MTSS1: variants seen among roughly 807,000 people sequenced by gnomAD.
MTSS1 encodes MTSS I-BAR domain containing 1, also known as protein MTSS 1.
A neutral mutation model predicts 79.0 loss-of-function variants in MTSS1; 18 were observed. The observed-to-expected ratio is 0.23, with a 90% CI of 0.16 to 0.34. The LOEUF (loss-of-function observed/expected upper bound fraction) is 0.34. MTSS1 is among the 10% of genes least tolerant of loss of function. MTSS1 has a pLI of 1.00. For missense variants in MTSS1, 815 were observed against 986.2 expected, an observed-to-expected ratio of 0.83 and a Z score of 2.33; for synonymous variants, 341 against 368.6, an observed-to-expected ratio of 0.93 and a Z score of 0.86.
Position 124,727,833 on chromosome 8 carries a change from C to T in MTSS1, c.72+51G>A. The stretch of plus-strand genomic sequence containing the variant: ...CCGGGGTGGAGGCGAAGCGCGGCGG[C>T]GAGGTCAGAGCGCGGCGGCCGGCGC... On this transcript the variant is annotated intron_variant, in intron 1 of 13. Transcript: ENST00000518547. This position sits in a 1 kb window ranked among gnomAD's most constrained non-coding sequence, Gnocchi z 4.7. The T allele has an allele frequency of 6.8e-7, 1 of 1,480,730 alleles. No individual in the cohort carries two copies. The highest frequency in any genetic ancestry group is 9.0e-7 in the Non-Finnish European group (1 of 1,110,092). 91.7% of individuals were successfully genotyped at this position (1,480,730 alleles called of 1,614,324 possible). A position where few individuals can be genotyped will look rare whatever the true frequency, so the allele number is the denominator to read the frequency against.
chr8:124,605,367 T>G (rs181305710), intron 3 of MTSS1, among the ~76,000 whole-genome samples: 6 of 152,316 alleles, frequency 3.9e-5, no homozygotes, highest in African/African-American at 1.4e-4. Context: ...AGTATCTGGA[T>G]CAGGGATTAT....
At chr8:124,628,373 T>G (rs187641604) in intron 3 of MTSS1, among the ~76,000 whole-genome samples, 322 of 152,148 alleles carry the variant, frequency 2.1e-3, no homozygotes, top group Admixed American at 5.0e-3. Flanking sequence ...CTCTTCCAAT[T>G]AAACCACCGC....
Position 124,553,703 on chromosome 8 carries a change from G to T in MTSS1, c.1568-11C>A. 1 of 1,591,936 alleles carries T rather than the reference G, an allele frequency of 6.3e-7. No homozygotes were observed. Among genetic ancestry groups the T allele is most frequent in the Non-Finnish European group, 8.6e-7 (1 of 1,166,576 alleles). ...AATCATAATCTGAAACTGATTATAGGATTTGATTAGACATATTCAAGACAG... is the reference window on the plus strand; with the variant it reads ...AATCATAATCTGAAACTGATTATAGTATTTGATTAGACATATTCAAGACAG... On this transcript the variant is annotated splice_polypyrimidine_tract_variant and intron_variant, in intron 13 of 13. Transcript: ENST00000518547. The surrounding 1 kb of genome is among the most constrained non-coding windows in gnomAD (Gnocchi z 6.0).
chr8:124,644,470 T>C (rs1818643296), intron 3 of MTSS1, among the ~76,000 whole-genome samples: 1 of 152,256 alleles, frequency 6.6e-6, no homozygotes, highest in Admixed American at 6.5e-5. Context: ...GCATTTACCA[T>C]TTGAGTTCTG....
At chr8:124,718,513 A>T (rs1317935882) in intron 1 of MTSS1, among the ~76,000 whole-genome samples, 3 of 151,970 alleles carry the variant, frequency 2.0e-5, no homozygotes, top group Non-Finnish European at 4.4e-5. Flanking sequence ...CCTCGATCAC[A>T]TCCTGCTGCC....
At chr8:124,560,368 A>C (rs983227415) in intron 10 of MTSS1, among the ~76,000 whole-genome samples, 1 of 152,198 alleles carries the variant, frequency 6.6e-6, no homozygotes, top group Non-Finnish European at 1.5e-5. Flanking sequence ...AAAAAATAAA[A>C]AATGTAAAAG....
intron 1 of MTSS1, among the ~76,000 whole-genome samples, chr8:124,706,540 G>A (rs1450791271): frequency 6.6e-6 from 1 of 152,192 alleles, no homozygotes; most frequent in Non-Finnish European, 1.5e-5. Flanking sequence ...TCAAGCACAG[G>A]TTTCTGGATT....
At chr8:124,555,046 T>C (rs1304900437) in intron 13 of MTSS1, among the ~76,000 whole-genome samples, 2 of 152,154 alleles carry the variant, frequency 1.3e-5, no homozygotes, top group Non-Finnish European at 2.9e-5. Flanking sequence ...AGTTTTGCCA[T>C]GTTTCCCAGA....
chr8:124,657,785 T>C (rs1303174838), intron 3 of MTSS1, among the ~76,000 whole-genome samples: 1 of 152,224 alleles, frequency 6.6e-6, no homozygotes, highest in Non-Finnish European at 1.5e-5. Flanking sequence ...ATACCCATTA[T>C]TGGCCCATTT....
chr8:124,578,071 C>T (rs1002322043), intron 6 of MTSS1, among the ~76,000 whole-genome samples: 7 of 152,106 alleles, frequency 4.6e-5, no homozygotes, highest in African/African-American at 7.2e-5. Context: ...GGAAGAATGA[C>T]GTGGAGAGGC....
chr8:124,579,615 A>C (rs1417715085), intron 6 of MTSS1: 3 of 152,230 alleles, frequency 2.0e-5, no homozygotes, highest in Non-Finnish European at 4.4e-5. Flanking sequence ...CATAATCACA[A>C]TGTTGAGAAC....
At chr8:124,658,360 GC>G (rs1414452731) in intron 3 of MTSS1, among the ~76,000 whole-genome samples, 1 of 152,136 alleles carries the variant, frequency 6.6e-6, no homozygotes, top group Admixed American at 6.5e-5. Context: ...TCTCTTGCCT[GC>G]CACCATGTAA....
chr8:124,706,636 C>T (rs545743795), intron 1 of MTSS1, among the ~76,000 whole-genome samples: 1 of 152,296 alleles, frequency 6.6e-6, no homozygotes, highest in Admixed American at 6.5e-5. Flanking sequence ...TGGCAGAGGC[C>T]CTTTGGCAGC....
chr8:124,599,345 CGGT>C lies in MTSS1; in HGVS notation c.209-8113_209-8111del, dbSNP rs372052916. 1.4e-3 allele frequency among the ~76,000 whole-genome samples: 209 copies of C among 151,920 alleles called. 1 individual carries two copies. The highest frequency in any genetic ancestry group is 4.6e-3 in the African/African-American group (191 of 41,452). On this transcript the variant is annotated intron_variant, in intron 3 of 13. Coordinates refer to ENST00000518547, the MANE Select transcript of MTSS1 (RefSeq NM_014751.6). ...CTAAAAATACAAAAATTAGCCAGCACGGTGGTGGGTGCCTGTAATCCCGGCTAC... is the reference window on the plus strand; with the variant it reads ...CTAAAAATACAAAAATTAGCCAGCACGGTGGGTGCCTGTAATCCCGGCTAC...
chr8:124,625,185 G>GC (rs1395727797), intron 3 of MTSS1, among the ~76,000 whole-genome samples: 5 of 152,154 alleles, frequency 3.3e-5, no homozygotes, highest in African/African-American at 1.2e-4. Flanking sequence ...TCCTGCCTCT[G>GC]CCTCTCTTTA....
At chr8:124,624,045 G>A (rs961999358) in intron 3 of MTSS1, among the ~76,000 whole-genome samples, 1 of 152,218 alleles carries the variant, frequency 6.6e-6, no homozygotes, top group Admixed American at 6.5e-5. Flanking sequence ...ATCAACCATT[G>A]CTTCGTGTGG....
chr8:124,589,032 CT>C (rs902627258), intron 5 of MTSS1, among the ~76,000 whole-genome samples: 20 of 149,774 alleles, frequency 1.3e-4, no homozygotes, highest in Admixed American at 8.0e-4. Context: ...TCTTCTTTTT[CT>C]TTTTTTTTGT....
Position 124,721,606 on chromosome 8 carries a change from C to T in MTSS1, c.72+6278G>A, listed in dbSNP as rs1366391890. ...TGTATTTTTTGCAGAGATGGGGTTT[C>T]ACCATGTTGGCCAGGCTCGTCTCAA... On this transcript the variant is annotated intron_variant, in intron 1 of 13. Transcript: ENST00000518547. Among the ~76,000 whole-genome samples the T allele has an allele frequency of 3.3e-5, 5 of 152,104 alleles. No homozygotes were observed. In the East Asian group the frequency reaches 9.7e-4, roughly 29 times the overall value.
chr8:124,632,513 A>G (rs1034395058), intron 3 of MTSS1, among the ~76,000 whole-genome samples: 1 of 152,156 alleles, frequency 6.6e-6, no homozygotes, highest in South Asian at 2.1e-4. Flanking sequence ...AATTCAAAAA[A>G]AAATTTAAAG....
Sources: allele counts gnomAD v4.1 joint callset (sites outside exome capture counted in the v4.1 genomes callset), GRCh38; gene constraint gnomAD v4.1.1; non-coding constraint Gnocchi (gnomAD v3.1); transcripts MANE v1.5; gene names NCBI Gene and HGNC (gene_info 2026-07-23, HGNC 2026-07-21).